HLA-B: variants seen among roughly 807,000 people sequenced by gnomAD.
HLA-B encodes major histocompatibility complex, class I, B, also known as HLA class I antigen HLA-B.
Under a neutral mutation model 41.5 loss-of-function variants are expected in HLA-B, and 31 were observed. The ratio of observed to expected loss-of-function variants is 0.75; its 90% CI spans 0.56 to 1.01. HLA-B has a LOEUF of 1.01. Among genes scored for constraint, HLA-B ranks in the 50% least tolerant of loss-of-function variants. HLA-B has a pLI of 0.00. For synonymous variants in HLA-B, 138 were observed against 189.0 expected (o/e 0.73, Z 2.21); for missense variants, 369 against 457.2 (o/e 0.81, Z 1.76).
At position 31,356,569 on chromosome 6, in the gene HLA-B, G is replaced by T. The variant is rs41549118; in HGVS notation, c.343+119C>A. 2.4e-4 allele frequency: 272 copies of T among 1,121,282 alleles called. 3 individuals are homozygous for T. In the Middle Eastern group the frequency reaches 2.9e-3, roughly 12 times the overall value. The allele number at this position is 1,121,282 out of a possible 1,614,324, so 69.5% of individuals were successfully genotyped here. ...CGCCTGGGGCTCTCGCCGGTCGAGG[G>T]TCTGGGCGGGTCCCGCGGCCTCAGG... On this transcript the variant is annotated intron_variant, in intron 2 of 7. Transcript: ENST00000412585.
chr6:31,354,141 G>GGA lies in HLA-B; in HGVS notation c.*159_*160insTC. Reference sequence around the variant, plus strand: ...GAACAGGGGTCACAGTGGACACAAGGGTGGGCTGTCTCTCCACCTCCTCAC... The same window carrying GGA: ...GAACAGGGGTCACAGTGGACACAAGGGAGTGGGCTGTCTCTCCACCTCCTCAC... On this transcript the variant is annotated 3_prime_UTR_variant, in exon 8 of 8. Coordinates refer to ENST00000412585, the MANE Select transcript of HLA-B (RefSeq NM_005514.8). The GGA allele has an allele frequency of 2.0e-6, 1 of 495,504 alleles. No homozygotes were observed. The highest frequency in any genetic ancestry group is 3.9e-5 in the East Asian group (1 of 25,880). 30.7% of individuals were successfully genotyped at this position (495,504 alleles called of 1,614,324 possible).
At chr6:31,355,781 G>C (rs577801468) in intron 3 of HLA-B, 189 bp from the exon 4 acceptor site, 2 of 689,260 alleles carry the variant, frequency 2.9e-6, no homozygotes, top group South Asian at 3.0e-5. Flanking sequence ...GTCTCTGAGC[G>C]GGGAACAGGG....
chr6:31,353,925 T>C lies in HLA-B; in HGVS notation c.*376A>G, dbSNP rs1766635588. ...CTCTCTCAAATTCCAGGAATTGACT[T>C]ATTTAATTAATCCATCAACCTCTCA... On this transcript the variant is annotated 3_prime_UTR_variant, in exon 8 of 8. Coordinates refer to ENST00000412585, the MANE Select transcript of HLA-B (RefSeq NM_005514.8). The C allele has an allele frequency of 1.2e-5, 4 of 329,316 alleles. No homozygotes were observed. The South Asian group carries it at 1.6e-4, about 13-fold the overall frequency. The allele number at this position is 329,316 out of a possible 1,614,324, so 20.4% of individuals were successfully genotyped here.
chr6:31,354,234 G>A lies in HLA-B; in HGVS notation c.*67C>T, dbSNP rs916551364. ...GAAAGAGATGCCAGAGGCTCTTGAA[G>A]TCACAAAGGGGAGGCGTGAAGAAAT... On this transcript the variant is annotated 3_prime_UTR_variant, in exon 8 of 8. Coordinates refer to ENST00000412585, the MANE Select transcript of HLA-B (RefSeq NM_005514.8). 1.2e-4 allele frequency: 75 copies of A among 645,272 alleles called. No homozygotes were observed. The highest frequency in any genetic ancestry group is 4.4e-5 in the Non-Finnish European group (15 of 341,648). 40.0% of individuals were successfully genotyped at this position (645,272 alleles called of 1,614,324 possible). A position where few individuals can be genotyped will look rare whatever the true frequency, so the allele number is the denominator to read the frequency against.
intron 3 of HLA-B, 49 bp downstream of exon 3, chr6:31,356,117 TC>T: frequency 1.5e-6 from 2 of 1,305,804 alleles, no homozygotes; most frequent in Non-Finnish European, 2.0e-6. Flanking sequence ...TGGGAGGCCA[TC>T]CCCGGCGACC....
chr6:31,354,119 C>T lies in HLA-B; in HGVS notation c.*182G>A, dbSNP rs759885434. On this transcript the variant is annotated 3_prime_UTR_variant, in exon 8 of 8. Coordinates refer to ENST00000412585, the MANE Select transcript of HLA-B (RefSeq NM_005514.8). ...GAGGAAACACAGGTCAGCATGGGAA[C>T]AGGGGTCACAGTGGACACAAGGGTG... is the stretch of plus-strand genomic sequence containing the variant. The T allele has an allele frequency of 1.0e-5, 5 of 484,408 alleles. No homozygotes were observed. Among genetic ancestry groups the T allele is most frequent in the Non-Finnish European group, 2.0e-5 (5 of 248,070 alleles). 30.0% of individuals were successfully genotyped at this position (484,408 alleles called of 1,614,324 possible).
chr6:31,356,228 G>GTA lies in HLA-B; in HGVS notation c.557_558insTA (p.Glu187ThrfsTer28). 4 of 1,180,298 alleles carry GTA rather than the reference G, an allele frequency of 3.4e-6. No homozygotes were observed. The highest frequency in any genetic ancestry group is 3.4e-6 in the Non-Finnish European group (3 of 888,890). The allele number at this position is 1,180,298 out of a possible 1,614,324, so 73.1% of individuals were successfully genotyped here. A position where few individuals can be genotyped will look rare whatever the true frequency, so the allele number is the denominator to read the frequency against. ...ATCTGCGGAGCCACTCCACGCACTC[G>GTA]CCCTCCAGGTAGGCTCTCCGCTGCT... On this transcript the variant is annotated frameshift_variant, in exon 3 of 8. Transcript: ENST00000412585. LOFTEE classifies it high-confidence loss of function.
chr6:31,354,615 C>A lies in HLA-B; in HGVS notation c.1045+18G>T. On this transcript the variant is annotated intron_variant, in intron 6 of 7. Coordinates refer to ENST00000412585, the MANE Select transcript of HLA-B (RefSeq NM_005514.8). ...TGGGGTGGGTGAGCTCCTCCACACT[C>A]CCACCCCCACCACTTACACGCAGCC... 6.9e-7 allele frequency: 1 copy of A among 1,439,390 alleles called. No individual in the cohort carries two copies. The highest frequency in any genetic ancestry group is 1.2e-5 in the South Asian group (1 of 86,636). The allele number at this position is 1,439,390 out of a possible 1,614,324, so 89.2% of individuals were successfully genotyped here.
chr6:31,356,323 G>T lies in HLA-B; in HGVS notation c.463C>A (p.Arg155Ser), dbSNP rs1050654. 157,742 of 1,034,898 alleles carry T rather than the reference G, an allele frequency of 0.15. 10,713 individuals carry two copies. The highest frequency in any genetic ancestry group is 0.26 in the East Asian group (6,660 of 25,146). 64.1% of individuals were successfully genotyped at this position (1,034,898 alleles called of 1,614,324 possible). A position where few individuals can be genotyped will look rare whatever the true frequency, so the allele number is the denominator to read the frequency against. ...GCCGTGTCCGCGGCGGTCCAGGAGC[G>T]CAGGTCCTCGTTCAGGGCGATGTAA... ...KDYIALNEDL[R>S]SWTAADTAAQ... Residue 155 changes from arginine to serine, a missense_variant, in exon 3 of 8, where the codon CGC becomes AGC. Coordinates refer to ENST00000412585, the MANE Select transcript of HLA-B (RefSeq NM_005514.8).
rs41555623 is a variant in HLA-B at position 31,355,156 on chromosome 6, C to A, written c.963G>T (p.Val321=). 3 of 1,224,024 alleles carry A rather than the reference C, an allele frequency of 2.5e-6. No homozygotes were observed. Among genetic ancestry groups the A allele is most frequent in the South Asian group, 3.9e-5 (2 of 51,280 alleles). The allele number at this position is 1,224,024 out of a possible 1,614,324, so 75.8% of individuals were successfully genotyped here. The stretch of plus-strand genomic sequence containing the variant: ...CAGCAGCGACCACAGCTCCGATGAC[C>A]ACAACTGCTAGGACAGCCAGGCCAG... ...IVAGLAVLAV[V]VIGAVVAAVM... is the part of the protein sequence containing the mutation. The change falls in exon 5 of 8, where the codon GTG becomes GTT. Residue 321 remains valine (V), a synonymous_variant. Coordinates refer to ENST00000412585, the MANE Select transcript of HLA-B (RefSeq NM_005514.8).
At chr6:31,356,128 C>T in intron 3 of HLA-B, 39 bp downstream of exon 3, 1 of 1,325,210 alleles carries the variant, frequency 7.5e-7, no homozygotes, top group Non-Finnish European at 9.8e-7. Flanking sequence ...CCCCGGCGAC[C>T]TATAGGAGAT....
Position 31,356,273 on chromosome 6 carries a change from C to G in HLA-B, c.513G>C (p.Trp171Cys). ...GCTGCTCCGCCTCACGGGCCGCCTC[C>G]CACTTGCGCTGGGTGATCTGAGCCG... ...DTAAQITQRK[W>C]EAAREAEQRR... The change falls in exon 3 of 8, where the codon TGG becomes TGC. Residue 171 changes from tryptophan to cysteine, a missense_variant. Transcript: ENST00000412585. 1 of 1,360,436 alleles carries G rather than the reference C, an allele frequency of 7.4e-7. No individual in the cohort carries two copies. The allele number at this position is 1,360,436 out of a possible 1,614,324, so 84.3% of individuals were successfully genotyped here. A position where few individuals can be genotyped will look rare whatever the true frequency, so the allele number is the denominator to read the frequency against.
intron 2 of HLA-B, 104 bp from the exon 3 acceptor site, chr6:31,356,546 C>T: frequency 1.1e-6 from 1 of 900,084 alleles, no homozygotes; most frequent in Non-Finnish European, 1.5e-6. Context: ...GGTAAACGCG[C>T]CTGGGGCTCT....
Position 31,356,270 on chromosome 6 carries a change from C to G in HLA-B, c.516G>C (p.Glu172Asp), listed in dbSNP as rs151341289. 6 of 1,359,330 alleles carry G rather than the reference C, an allele frequency of 4.4e-6. 1 individual carries two copies. The African/African-American group carries it at 1.4e-4, about 32-fold the overall frequency. 84.2% of individuals were successfully genotyped at this position (1,359,330 alleles called of 1,614,324 possible). Residue 172 changes from glutamate to aspartate, a missense_variant, in exon 3 of 8, where the codon GAG (glutamate) becomes GAC (aspartate). Glu to Asp is a conservative substitution (Grantham distance 45). Around this residue, in one of 6 missense-constraint regions of HLA-B, gnomAD observed 76 missense variants for 62.4 expected, o/e 1.22. Transcript: ENST00000412585. ...TAAQITQRKW[E>D]AAREAEQRRA... Reference sequence around the variant, plus strand: ...TCCGCTGCTCCGCCTCACGGGCCGCCTCCCACTTGCGCTGGGTGATCTGAG... The same window carrying G: ...TCCGCTGCTCCGCCTCACGGGCCGCGTCCCACTTGCGCTGGGTGATCTGAG...
chr6:31,354,877 GA>G lies in HLA-B; in HGVS notation c.1013-213del, dbSNP rs151341394. 45 of 366,914 alleles carry G rather than the reference GA, an allele frequency of 1.2e-4. No individual in the cohort carries two copies. In the African/African-American group the frequency reaches 1.8e-3, roughly 14 times the overall value. 22.7% of individuals were successfully genotyped at this position (366,914 alleles called of 1,614,324 possible). ...TAGCAGGGACCTTCCCCTGACTCAT[GA>G]ATGCTGGAATCAGGACCCCAACACC... On this transcript the variant is annotated intron_variant, in intron 5 of 7. Transcript: ENST00000412585.
At chr6:31,354,443 C>A (rs2523610) in intron 7 of HLA-B, 36 bp downstream of exon 7, 2 of 520,394 alleles carry the variant, frequency 3.8e-6, no homozygotes, top group African/African-American at 3.4e-5. Flanking sequence ...CCCCCAGACC[C>A]GCCACCCCAC....
chr6:31,356,369 C>A lies in HLA-B; in HGVS notation c.417G>T (p.Gln139His), dbSNP rs151341239. The change falls in exon 3 of 8, where the codon CAG becomes CAT. Residue 139 changes from glutamine (Q) to histidine (H), a missense_variant. By Grantham distance (24) the Gln-to-His change is conservative. Around this residue, in one of 6 missense-constraint regions of HLA-B, gnomAD observed 113 missense variants for 173.2 expected, o/e 0.65. Transcript: ENST00000412585. Reference sequence around the variant, plus strand: ...TGTAATCCTTGCCGTCGTAGGCGTACTGGTCATGCCCGCGGAGGAGGCGCC... The same window carrying A: ...TGTAATCCTTGCCGTCGTAGGCGTAATGGTCATGCCCGCGGAGGAGGCGCC... ...PDGRLLRGHD[Q>H]YAYDGKDYIA... The A allele has an allele frequency of 1.2e-5, 12 of 1,019,474 alleles. 4 individuals carry two copies. Among genetic ancestry groups the A allele is most frequent in the Non-Finnish European group, 1.6e-5 (12 of 765,720 alleles). 63.2% of individuals were successfully genotyped at this position (1,019,474 alleles called of 1,614,324 possible). A position where few individuals can be genotyped will look rare whatever the true frequency, so the allele number is the denominator to read the frequency against.
Position 31,353,921 on chromosome 6 carries a change from G to T in HLA-B, c.*380C>A. 3.1e-6 allele frequency: 1 copy of T among 325,608 alleles called. No homozygotes were observed. 20.2% of individuals were successfully genotyped at this position (325,608 alleles called of 1,614,324 possible). On this transcript the variant is annotated 3_prime_UTR_variant, in exon 8 of 8. Coordinates refer to ENST00000412585, the MANE Select transcript of HLA-B (RefSeq NM_005514.8). ...TTTGCTCTCTCAAATTCCAGGAATT[G>T]ACTTATTTAATTAATCCATCAACCT... is the stretch of plus-strand genomic sequence containing the variant.
At chr6:31,357,015 G>A in intron 1 of HLA-B, 58 bp from the exon 2 acceptor site, 1 of 918,026 alleles carries the variant, frequency 1.1e-6, no homozygotes, top group South Asian at 2.2e-5. Context: ...GGCTCCTCAG[G>A]TCCTGCGCCC....
Sources: gnomAD v4.1 joint callset for allele counts on GRCh38, gnomAD v4.1.1 for gene constraint, gnomAD v4.1.1 regional missense constraint, MANE v1.5 for transcripts, NCBI Gene and HGNC (gene_info 2026-07-23, HGNC 2026-07-21) for gene names.